PLCE1: variants seen among roughly 807,000 people sequenced by gnomAD.
PLCE1 encodes 1-phosphatidylinositol 4,5-bisphosphate phosphodiesterase epsilon-1.
PLCE1 carries 119 observed loss-of-function variants against 242.8 expected under a neutral mutation model. The observed-to-expected ratio is 0.49, with a 90% CI of 0.42 to 0.57. The LOEUF is 0.57. Among genes scored for constraint, PLCE1 ranks in the 20% least tolerant of loss-of-function variants. The probability of loss-of-function intolerance (pLI) is 0.00; values close to 1 mark genes in which losing one functional copy is unlikely to be tolerated. For synonymous variants in PLCE1, 945 were observed against 1,017.4 expected (o/e 0.93, Z 1.35); for missense variants, 2,441 against 2,788.8 (o/e 0.88, Z 2.81).
chr10:94,187,608 C>T (rs2136543160), intron 4 of PLCE1, among the ~76,000 whole-genome samples: 1 of 152,168 alleles, frequency 6.6e-6, no homozygotes, highest in African/African-American at 2.4e-5. Flanking sequence ...CCTCCCCAAG[C>T]AGCTTGGCCA....
intron 12 of PLCE1, 28 bp downstream of exon 12, chr10:94,258,950 T>C: frequency 6.2e-7 from 1 of 1,614,114 alleles, no homozygotes; most frequent in African/African-American, 1.3e-5. Context: ...CTTCTTATTC[T>C]TTCTCAGGCC....
intron 3 of PLCE1, among the ~76,000 whole-genome samples, chr10:94,160,630 C>A (rs897144009): frequency 1.9e-4 from 29 of 152,286 alleles, no homozygotes; most frequent in African/African-American, 6.7e-4. Flanking sequence ...TTAGTTAGAT[C>A]CCATTTGTCA....
intron 21 of PLCE1, 134 bp downstream of exon 21, chr10:94,284,045 C>A: frequency 9.6e-7 from 1 of 1,046,206 alleles, no homozygotes; most frequent in South Asian, 1.3e-5. Context: ...TGCCAAAGTT[C>A]ACTTGGTGAT....
rs2047249564 is a variant in PLCE1 at position 94,150,744 on chromosome 10, T to C, written c.1492+18285T>C. Among the ~76,000 whole-genome samples, 3 of 152,146 alleles carry C rather than the reference T, an allele frequency of 2.0e-5. No individual in the cohort carries two copies. In the South Asian group the frequency reaches 6.2e-4, roughly 32 times the overall value. ...CATCTAGGGAGTATCTAAGCAAGGA[T>C]TTGAACTTGAGTACATCCCACTTCA... On this transcript the variant is annotated intron_variant, in intron 3 of 32. Transcript: ENST00000371380.
chr10:94,163,039 G>T (rs562852341), intron 3 of PLCE1, among the ~76,000 whole-genome samples: 1 of 152,272 alleles, frequency 6.6e-6, no homozygotes, highest in Admixed American at 6.5e-5. Context: ...TATAATTTCT[G>T]TTCTTTTACA....
intron 6 of PLCE1, chr10:94,235,650 C>T: frequency 1.1e-5 from 9 of 814,652 alleles, no homozygotes; most frequent in Non-Finnish European, 1.3e-5. Context: ...CTTAGGGAGC[C>T]CTGAAATAAT....
intron 24 of PLCE1, among the ~76,000 whole-genome samples, chr10:94,302,475 G>C (rs1485136783): frequency 6.6e-6 from 1 of 152,064 alleles, no homozygotes; most frequent in East Asian, 1.9e-4. Context: ...AAAACTATTA[G>C]GGTAGACACG....
At chr10:94,297,698 A>G (rs1029701402) in intron 23 of PLCE1, among the ~76,000 whole-genome samples, 2 of 151,492 alleles carry the variant, frequency 1.3e-5, no homozygotes, top group Admixed American at 6.6e-5. Flanking sequence ...CCAAACATAC[A>G]TGTATAACTT....
chr10:94,222,195 G>A (rs1187581999), intron 4 of PLCE1, among the ~76,000 whole-genome samples: 1 of 152,100 alleles, frequency 6.6e-6, no homozygotes. Flanking sequence ...ATAAACCAGA[G>A]GCAGATCCAT....
chr10:94,093,098 A>G (rs1464249868), intron 2 of PLCE1, among the ~76,000 whole-genome samples: 1 of 152,230 alleles, frequency 6.6e-6, no homozygotes, highest in Non-Finnish European at 1.5e-5. Flanking sequence ...AAGGAATTCA[A>G]GGGTGAAATC....
At position 94,312,570 on chromosome 10, in the gene PLCE1, TTTC is replaced by T. The variant is rs1345204280; in HGVS notation, c.6004-682_6004-680del. ...CCATTTTTCAGAAAGCCCTCCCTGG[TTTC>T]TCCCTTACCTCTTCTAGGCCACCTC... On this transcript the variant is annotated intron_variant, in intron 27 of 32. Coordinates refer to ENST00000371380, the MANE Select transcript of PLCE1 (RefSeq NM_016341.4). Among the ~76,000 whole-genome samples the T allele has an allele frequency of 5.3e-5, 8 of 152,304 alleles. No homozygotes were observed. The East Asian group carries it at 1.5e-3, about 29-fold the overall frequency.
intron 1 of PLCE1, among the ~76,000 whole-genome samples, chr10:94,019,754 C>A (rs897721312): frequency 1.3e-4 from 20 of 152,014 alleles, no homozygotes; most frequent in Non-Finnish European, 2.6e-4. Context: ...CAGCACAGAT[C>A]TAAACTTCAA....
Position 94,315,349 on chromosome 10 carries a change from C to A in PLCE1, c.6133-1198C>A, listed in dbSNP as rs956671173. Reference sequence around the variant, plus strand: ...GAGAAGGGTGTTTGCTTAATCCAGACCAGATGGTGGCAGCTTTCTCTCATC... The same window carrying A: ...GAGAAGGGTGTTTGCTTAATCCAGAACAGATGGTGGCAGCTTTCTCTCATC... On this transcript the variant is annotated intron_variant, in intron 28 of 32. Coordinates refer to ENST00000371380, the MANE Select transcript of PLCE1 (RefSeq NM_016341.4). 7.5e-5 allele frequency: 34 copies of A among 454,658 alleles called. No individual in the cohort carries two copies. In the Admixed American group the frequency reaches 8.0e-4, roughly 11 times the overall value. The allele number at this position is 454,658 out of a possible 1,614,324, so 28.2% of individuals were successfully genotyped here.
intron 2 of PLCE1, among the ~76,000 whole-genome samples, chr10:94,063,375 C>G (rs2044113899): frequency 6.6e-6 from 1 of 152,146 alleles, no homozygotes; most frequent in Non-Finnish European, 1.5e-5. Context: ...ATGTCATCTT[C>G]CAAGGCCCTT....
Position 94,246,141 on chromosome 10 carries a change from G to A in PLCE1, c.2616G>A (p.Gln872=), listed in dbSNP as rs1408494008. 6.2e-7 allele frequency: 1 copy of A among 1,614,136 alleles called. No individual in the cohort carries two copies. Among genetic ancestry groups the A allele is most frequent in the Non-Finnish European group, 8.5e-7 (1 of 1,180,024 alleles). Residue 872 remains glutamine (Q), a synonymous_variant, in exon 8 of 33, where the codon CAG becomes CAA. Coordinates refer to ENST00000371380, the MANE Select transcript of PLCE1 (RefSeq NM_016341.4). The part of the protein sequence containing the change: ...LQGATVIHYD[Q]DTHLSARCFL... ...GGGCCACGGTCATCCACTACGACCA[G>A]GACACACACCTCTCTGCCCGCTGCT...
chr10:94,247,681 T>G (rs1412003840), intron 8 of PLCE1, among the ~76,000 whole-genome samples: 4 of 152,168 alleles, frequency 2.6e-5, no homozygotes, highest in Non-Finnish European at 5.9e-5. Flanking sequence ...CTTTATTAGG[T>G]TTGTAGTGGT....
chr10:94,244,896 T>C (rs541913208), intron 7 of PLCE1, among the ~76,000 whole-genome samples: 28 of 152,264 alleles, frequency 1.8e-4, no homozygotes, highest in Non-Finnish European at 3.7e-4. Context: ...AGATGGGATC[T>C]CACCATGTTG....
chr10:94,266,148 T>C (rs759243926), intron 16 of PLCE1, among the ~76,000 whole-genome samples, 190 bp downstream of exon 16: 21 of 152,172 alleles, frequency 1.4e-4, no homozygotes, highest in Non-Finnish European at 2.8e-4. Context: ...TTTACTTCTT[T>C]TGTTTTGTTT....
chr10:94,229,558 T>G (rs1207624753), intron 5 of PLCE1, among the ~76,000 whole-genome samples: 1 of 152,226 alleles, frequency 6.6e-6, no homozygotes, highest in Non-Finnish European at 1.5e-5. Context: ...TCAGGAGATG[T>G]GGACCATGGG....
Sources: gnomAD v4.1 joint callset for allele counts (sites outside exome capture counted in the v4.1 genomes callset) on GRCh38, gnomAD v4.1.1 for gene constraint, MANE v1.5 for transcripts, NCBI Gene and HGNC (gene_info 2026-07-23, HGNC 2026-07-21) for gene names.